The following VPS13D variants were observed in gnomAD, a reference collection of about 807,000 sequenced individuals.
The protein encoded by VPS13D is intermembrane lipid transfer protein VPS13D.
Under a neutral mutation model 461.9 loss-of-function variants are expected in VPS13D, and 187 were observed. The ratio of observed to expected loss-of-function variants is 0.40; its 90% CI spans 0.36 to 0.46. The LOEUF (loss-of-function observed/expected upper bound fraction) is 0.46. VPS13D is among the 20% of genes least tolerant of loss of function. The pLI, the probability that VPS13D is intolerant of heterozygous loss-of-function variation, is 0.60. For synonymous variants in VPS13D, 1,951 were observed against 1,986.3 expected (o/e 0.98, Z 0.47); for missense variants, 4,711 against 5,364.9 (o/e 0.88, Z 3.81).
At chr1:12,293,322 T>A (rs536439655) in intron 23 of VPS13D, among the ~76,000 whole-genome samples, 2 of 152,322 alleles carry the variant, frequency 1.3e-5, no homozygotes, top group South Asian at 4.1e-4. Context: ...CTGTTTATAC[T>A]CCTGGCTATC....
chr1:12,377,060 T>G (rs1644208311), intron 55 of VPS13D, among the ~76,000 whole-genome samples: 1 of 151,752 alleles, frequency 6.6e-6, no homozygotes, highest in African/African-American at 2.4e-5. Context: ...TCTTTTTTTC[T>G]TTCTTTTTTT....
At chr1:12,252,621 A>T (rs1395636752) in intron 6 of VPS13D, among the ~76,000 whole-genome samples, 1 of 151,892 alleles carries the variant, frequency 6.6e-6, no homozygotes, top group Non-Finnish European at 1.5e-5. Flanking sequence ...AAAATAAAAA[A>T]ATTAGCCAGG....
chr1:12,496,022 C>T lies in VPS13D; in HGVS notation c.12663-1478C>T, dbSNP rs549869339. ...CTCTACCGCCCTCCCCACTTTCGATCGATATTTGGGCTCTGAGTAGCCAAC... is the reference window on the plus strand; with the variant it reads ...CTCTACCGCCCTCCCCACTTTCGATTGATATTTGGGCTCTGAGTAGCCAAC... On this transcript the variant is annotated intron_variant, in intron 67 of 69. Transcript: ENST00000620676. Among the ~76,000 whole-genome samples, 12 of 152,214 alleles carry T rather than the reference C, an allele frequency of 7.9e-5. No homozygotes were observed. The South Asian group carries it at 2.5e-3, about 32-fold the overall frequency.
chr1:12,398,943 C>A (rs1236879939), intron 60 of VPS13D, among the ~76,000 whole-genome samples: 1 of 152,104 alleles, frequency 6.6e-6, no homozygotes, highest in African/African-American at 2.4e-5. Context: ...AGCAGTGTGA[C>A]CTGAAGCAAG....
At chr1:12,412,921 C>T (rs973213955) in intron 63 of VPS13D, among the ~76,000 whole-genome samples, 30 of 152,092 alleles carry the variant, frequency 2.0e-4, no homozygotes, top group Admixed American at 4.6e-4. Flanking sequence ...ACTTGGTATA[C>T]AGAATATATA....
At chr1:12,328,631 C>T (rs1015129260) in intron 36 of VPS13D, among the ~76,000 whole-genome samples, 6 of 152,250 alleles carry the variant, frequency 3.9e-5, no homozygotes, top group Admixed American at 1.3e-4. Context: ...ATCTCTGCCT[C>T]CTGGGTTCAA....
At chr1:12,285,437 C>T (rs190617528) in intron 21 of VPS13D, among the ~76,000 whole-genome samples, 10 of 151,468 alleles carry the variant, frequency 6.6e-5, no homozygotes, top group East Asian at 3.9e-4. Context: ...ATTACAGGTG[C>T]GCGCCGCCAT....
At chr1:12,257,773 C>T (rs1014918318) in intron 9 of VPS13D, among the ~76,000 whole-genome samples, 162 bp from the exon 10 acceptor site, 1 of 129,914 alleles carries the variant, frequency 7.7e-6, no homozygotes, top group Non-Finnish European at 1.5e-5. Flanking sequence ...GCCTTCTCCA[C>T]CTAGTGGTTT....
intron 46 of VPS13D, among the ~76,000 whole-genome samples, chr1:12,352,461 A>G (rs1643816908): frequency 6.6e-6 from 1 of 152,230 alleles, no homozygotes; most frequent in Non-Finnish European, 1.5e-5. Flanking sequence ...CCCAGCCAAT[A>G]GACAAATGGA....
intron 65 of VPS13D, among the ~76,000 whole-genome samples, chr1:12,429,969 T>C (rs1027263872): frequency 1.3e-5 from 2 of 152,252 alleles, no homozygotes; most frequent in Non-Finnish European, 2.9e-5. Context: ...AAACATTTCC[T>C]GCAAGCTGTT....
chr1:12,436,800 C>T (rs1441014159), intron 65 of VPS13D, among the ~76,000 whole-genome samples: 1 of 152,098 alleles, frequency 6.6e-6, no homozygotes, highest in African/African-American at 2.4e-5. Context: ...TCCCGAGTAG[C>T]TGGGATTACA....
Position 12,277,302 on chromosome 1 carries a change from TG to T in VPS13D, c.3717del (p.Asn1240IlefsTer3). The T allele has an allele frequency of 6.2e-7, 1 of 1,614,218 alleles. No homozygotes were observed. The highest frequency in any genetic ancestry group is 8.5e-7 in the Non-Finnish European group (1 of 1,180,032). Reference sequence around the variant, plus strand: ...TTAAAAACCAGTATGTTGTCAGCATTGGGAATTCTGTAGGCTATGAAAATAT... The same window carrying T: ...TTAAAAACCAGTATGTTGTCAGCATTGGAATTCTGTAGGCTATGAAAATAT... ...NVKNQYVVSI[G>X]NSVGYENIIS... On this transcript the variant is annotated frameshift_variant, in exon 19 of 70. Transcript: ENST00000620676. LOFTEE classifies it high-confidence loss of function.
At chr1:12,439,969 A>G (rs907898323) in intron 65 of VPS13D, among the ~76,000 whole-genome samples, 4 of 152,206 alleles carry the variant, frequency 2.6e-5, no homozygotes, top group African/African-American at 9.7e-5. Context: ...TTATGTCTGC[A>G]GTGAATATTG....
chr1:12,416,098 G>T (rs1473110266), intron 64 of VPS13D, among the ~76,000 whole-genome samples: 2 of 152,176 alleles, frequency 1.3e-5, no homozygotes, highest in Non-Finnish European at 2.9e-5. Flanking sequence ...TAGGAGGACT[G>T]CTTGAGCCCA....
chr1:12,351,609 T>C (rs1023772406), intron 46 of VPS13D, among the ~76,000 whole-genome samples: 2 of 136,582 alleles, frequency 1.5e-5, no homozygotes, highest in Admixed American at 7.5e-5. Context: ...TTTTTTTGAT[T>C]GAGACAGAGT....
chr1:12,267,230 C>T (rs1320409688), intron 14 of VPS13D, among the ~76,000 whole-genome samples: 1 of 152,116 alleles, frequency 6.6e-6, no homozygotes, highest in Non-Finnish European at 1.5e-5. Context: ...GTATATTTTG[C>T]TCTGATTTGG....
At chr1:12,257,835 G>A in intron 9 of VPS13D, 100 bp from the exon 10 acceptor site, 1 of 1,370,554 alleles carries the variant, frequency 7.3e-7, no homozygotes, top group South Asian at 1.3e-5. Context: ...GAGAAAAGAT[G>A]TCTCAGGAGA....
chr1:12,499,841 T>C (rs745831640), intron 68 of VPS13D: 40 of 985,250 alleles, frequency 4.1e-5, no homozygotes, highest in Non-Finnish European at 4.7e-5. Flanking sequence ...GAGTGAACAT[T>C]ACACTCATCA....
At chr1:12,240,033 G>C (rs1028388011) in intron 2 of VPS13D, among the ~76,000 whole-genome samples, 10 of 152,078 alleles carry the variant, frequency 6.6e-5, no homozygotes, top group African/African-American at 2.4e-4. Context: ...AGTGGGTGGG[G>C]ACTAGGAAAC....
Sources: gnomAD v4.1 joint callset for allele counts (sites outside exome capture counted in the v4.1 genomes callset) on GRCh38, gnomAD v4.1.1 for gene constraint, MANE v1.5 for transcripts, NCBI Gene and HGNC (gene_info 2026-07-23, HGNC 2026-07-21) for gene names.